The following KIAA1549 variants were observed in gnomAD, a reference collection of about 807,000 sequenced individuals.
The protein encoded by KIAA1549 is UPF0606 protein KIAA1549.
A neutral mutation model predicts 156.4 loss-of-function variants in KIAA1549; 70 were observed. That is an observed-to-expected ratio of 0.45 (90% CI 0.37 to 0.55). KIAA1549 has a LOEUF of 0.55. Among genes scored for constraint, KIAA1549 ranks in the 20% least tolerant of loss-of-function variants. The pLI is 0.00. For missense variants in KIAA1549, 2,428 were observed against 2,540.9 expected, an observed-to-expected ratio of 0.96 and a Z score of 0.96; for synonymous variants, 1,103 against 1,066.4, an observed-to-expected ratio of 1.03 and a Z score of -0.67.
intron 1 of KIAA1549, among the ~76,000 whole-genome samples, chr7:138,922,858 T>C (rs960883856): frequency 2.6e-5 from 4 of 151,992 alleles, no homozygotes; most frequent in African/African-American, 9.7e-5. Flanking sequence ...ATAGGGTAGA[T>C]ACAATATTCA....
intron 17 of KIAA1549, among the ~76,000 whole-genome samples, chr7:138,847,754 A>G (rs1195791273): frequency 1.3e-5 from 2 of 152,212 alleles, no homozygotes; most frequent in African/African-American, 2.4e-5. Context: ...TTTAGAATCC[A>G]TCTGTCGGTT....
intron 1 of KIAA1549, among the ~76,000 whole-genome samples, chr7:138,958,229 C>T (rs1319433495): frequency 7.1e-6 from 1 of 141,478 alleles, no homozygotes; most frequent in Non-Finnish European, 1.5e-5. Flanking sequence ...TGCCTGGCGC[C>T]CACGCCCACC....
Position 138,835,085 on chromosome 7 carries a change from T to C in KIAA1549, c.*2821A>G. On this transcript the variant is annotated 3_prime_UTR_variant, in exon 20 of 20. Transcript: ENST00000422774. ...AATAGACATAAAATTCAACTGTTCATTGTAGAGTGCTTCCATAAACGGACT... is the reference window on the plus strand; with the variant it reads ...AATAGACATAAAATTCAACTGTTCACTGTAGAGTGCTTCCATAAACGGACT... The C allele has an allele frequency of 4.5e-6, 1 of 224,408 alleles. No homozygotes were observed. The highest frequency in any genetic ancestry group is 6.4e-5 in the East Asian group (1 of 15,504). 13.9% of individuals were successfully genotyped at this position (224,408 alleles called of 1,614,324 possible).
At chr7:138,914,664 G>A (rs1193189746) in intron 2 of KIAA1549, among the ~76,000 whole-genome samples, 1 of 152,174 alleles carries the variant, frequency 6.6e-6, no homozygotes, top group Non-Finnish European at 1.5e-5. Context: ...CTGGGTCAAA[G>A]GTATCACCAG....
At chr7:138,898,913 CCAGCACAGCA>C in intron 9 of KIAA1549, 32 bp downstream of exon 9, 1 of 1,594,134 alleles carries the variant, frequency 6.3e-7, no homozygotes, top group East Asian at 2.2e-5. Flanking sequence ...GCTTTGGTGC[CCAGCACAGCA>C]CAGCACAGAC....
At chr7:138,869,397 T>A in intron 14 of KIAA1549, 141 bp downstream of exon 14, 1 of 679,374 alleles carries the variant, frequency 1.5e-6, no homozygotes, top group Non-Finnish European at 2.5e-6. Flanking sequence ...TTCAACTGTC[T>A]TCAGAGACCT....
At chr7:138,901,350 G>C (rs1206003255) in intron 8 of KIAA1549, among the ~76,000 whole-genome samples, 1 of 142,086 alleles carries the variant, frequency 7.0e-6, no homozygotes, top group Non-Finnish European at 1.5e-5. Context: ...TTTTGAGACA[G>C]AGTCTCACTC....
At chr7:138,955,906 G>A (rs571368526) in intron 1 of KIAA1549, among the ~76,000 whole-genome samples, 3 of 152,210 alleles carry the variant, frequency 2.0e-5, no homozygotes, top group South Asian at 2.1e-4. Flanking sequence ...GGGGGGTGGG[G>A]TTTTGAGACG....
In KIAA1549 at chr7:138,832,190, C is replaced by CTTTTTTTTTTTTTTT. The variant is rs1563039449; in HGVS notation, c.*5715_*5716insAAAAAAAAAAAAAAA. ...TTCACCTCTGTCCCTTTTACCTATT[C>CTTTTTTTTTTTTTTT]CTTTTTTTTTTTTTTTTTTTTCCAG... is the stretch of plus-strand genomic sequence containing the variant. On this transcript the variant is annotated 3_prime_UTR_variant, in exon 20 of 20. Transcript: ENST00000422774. 398 of 169,708 alleles carry CTTTTTTTTTTTTTTT rather than the reference C, an allele frequency of 2.3e-3. 18 individuals are homozygous for CTTTTTTTTTTTTTTT. Among genetic ancestry groups the CTTTTTTTTTTTTTTT allele is most frequent in the Middle Eastern group, 5.9e-3 (3 of 510 alleles). The allele number at this position is 169,708 out of a possible 1,614,324, so 10.5% of individuals were successfully genotyped here.
rs1810753058 is a variant in KIAA1549 at position 138,866,712 on chromosome 7, G to A, written c.4929+1263C>T. Among the ~76,000 whole-genome samples the A allele has an allele frequency of 2.0e-5, 3 of 152,196 alleles. No homozygotes were observed. In the South Asian group the frequency reaches 6.2e-4, roughly 31 times the overall value. ...GGTTCTCTCTCCCCTACTCAATGCA[G>A]TCTGTGTGTATGCATCTTACGCTAT... On this transcript the variant is annotated intron_variant, in intron 15 of 19. Coordinates refer to ENST00000422774, the MANE Select transcript of KIAA1549 (RefSeq NM_001164665.2).
chr7:138,863,644 A>C (rs1311569436), intron 15 of KIAA1549, among the ~76,000 whole-genome samples: 1 of 152,154 alleles, frequency 6.6e-6, no homozygotes, highest in Non-Finnish European at 1.5e-5. Flanking sequence ...GCAGAGTCTG[A>C]AGCTCTGGCA....
chr7:138,968,008 TGCTTCCCTACCA>T (rs1814083741), intron 1 of KIAA1549, among the ~76,000 whole-genome samples: 1 of 152,206 alleles, frequency 6.6e-6, no homozygotes, highest in South Asian at 2.1e-4. Context: ...TGTCCACTCC[TGCTTCCCTACCA>T]GCTAGTTCCC....
At chr7:138,886,190 C>G (rs1462577236) in intron 10 of KIAA1549, among the ~76,000 whole-genome samples, 1 of 152,176 alleles carries the variant, frequency 6.6e-6, no homozygotes, top group Non-Finnish European at 1.5e-5. Flanking sequence ...CAATATATTA[C>G]ACACAGAAAC....
At position 138,926,814 on chromosome 7, in the gene KIAA1549, AAT is replaced by A. The variant is rs920336484; in HGVS notation, c.188-7378_188-7377del. Among the ~76,000 whole-genome samples, 16 of 151,788 alleles carry A rather than the reference AAT, an allele frequency of 1.1e-4. No individual in the cohort carries two copies. In the South Asian group the frequency reaches 1.2e-3, roughly 12 times the overall value. On this transcript the variant is annotated intron_variant, in intron 1 of 19. Coordinates refer to ENST00000422774, the MANE Select transcript of KIAA1549 (RefSeq NM_001164665.2). ...TATTAAGTAGATAATACTATTTATA[AAT>A]ATATATATATGTTATGAAAATAATA...
intron 1 of KIAA1549, among the ~76,000 whole-genome samples, chr7:138,938,308 A>G (rs774901094): frequency 3.3e-5 from 5 of 152,220 alleles, no homozygotes; most frequent in Non-Finnish European, 5.9e-5. Flanking sequence ...ATAGCAGCCC[A>G]AATGGACTAA....
chr7:138,845,413 G>T (rs553795944), intron 17 of KIAA1549, among the ~76,000 whole-genome samples: 1 of 152,258 alleles, frequency 6.6e-6, no homozygotes, highest in African/African-American at 2.4e-5. Flanking sequence ...AGCCCTTTTA[G>T]ATCATCTTAA....
intron 8 of KIAA1549, among the ~76,000 whole-genome samples, chr7:138,900,575 AC>A (rs1811813195): frequency 6.6e-6 from 1 of 152,070 alleles, no homozygotes; most frequent in Admixed American, 6.5e-5. Context: ...TGGATGTTGG[AC>A]CCCCTCCAAC....
chr7:138,883,107 AAAAAAAAAAAT>A (rs1427019737), intron 10 of KIAA1549, among the ~76,000 whole-genome samples: 17 of 143,740 alleles, frequency 1.2e-4, no homozygotes, highest in South Asian at 4.4e-4. Context: ...AAAAAAAAAA[AAAAAAAAAAAT>A]TCAGCCAGAC....
At chr7:138,843,921 GATA>G (rs1480419857) in intron 18 of KIAA1549, among the ~76,000 whole-genome samples, 1 of 152,068 alleles carries the variant, frequency 6.6e-6, no homozygotes, top group Admixed American at 6.6e-5. Context: ...TTTGTTTTGA[GATA>G]AGAGTTTTGC....
Sources: gnomAD v4.1 joint callset for allele counts (sites outside exome capture counted in the v4.1 genomes callset) on GRCh38, gnomAD v4.1.1 for gene constraint, MANE v1.5 for transcripts, NCBI Gene and HGNC (gene_info 2026-07-23, HGNC 2026-07-21) for gene names.